FSTL5: variants seen among roughly 807,000 people sequenced by gnomAD.
FSTL5 encodes follistatin-related protein 5.
Under a neutral mutation model 89.1 loss-of-function variants are expected in FSTL5, and 62 were observed. That is an observed-to-expected ratio of 0.70 (90% CI 0.57 to 0.86). The LOEUF (loss-of-function observed/expected upper bound fraction) is 0.86, where lower values mean the gene tolerates loss of function less well. Ranked by LOEUF, FSTL5 falls within the 40% of genes least tolerant of loss-of-function variation. FSTL5 has a pLI of 0.00. For synonymous variants in FSTL5, 383 were observed against 346.2 expected, an observed-to-expected ratio of 1.11 and a Z score of -1.18; for missense variants, 1,057 against 1,001.6, an observed-to-expected ratio of 1.06 and a Z score of -0.75.
chr4:162,003,377 C>A (rs775497624), intron 3 of FSTL5, among the ~76,000 whole-genome samples: 2 of 152,086 alleles, frequency 1.3e-5, no homozygotes, highest in Non-Finnish European at 2.9e-5. Context: ...GCAACAAAAG[C>A]CTTTCATAAT....
intron 10 of FSTL5, among the ~76,000 whole-genome samples, chr4:161,516,038 T>C (rs557052183): frequency 6.6e-6 from 1 of 150,838 alleles, no homozygotes; most frequent in African/African-American, 2.4e-5. Flanking sequence ...GTGCATGACC[T>C]TGTGAACAAG....
At chr4:161,950,553 C>T (rs1423092550) in intron 3 of FSTL5, among the ~76,000 whole-genome samples, 2 of 152,162 alleles carry the variant, frequency 1.3e-5, no homozygotes, top group South Asian at 2.1e-4. Context: ...TGCTGTGGCA[C>T]AGCCTGTAGC....
intron 11 of FSTL5, among the ~76,000 whole-genome samples, chr4:161,508,555 A>T (rs1351275217): frequency 6.6e-6 from 1 of 152,166 alleles, no homozygotes; most frequent in Non-Finnish European, 1.5e-5. Context: ...TCCAAAAACT[A>T]ACAGAATACA....
rs532284174 is a variant in FSTL5, at chr4:161,955,408, A to C, written c.161-34756T>G. Among the ~76,000 whole-genome samples, 273 of 151,896 alleles carry C rather than the reference A, an allele frequency of 1.8e-3. 1 individual carries two copies. Among genetic ancestry groups the C allele is most frequent in the African/African-American group, 6.2e-3 (258 of 41,542 alleles). ...CAAAGTGTATAATGTGAACAAAAAAAAATGTTTTAAGTAAATCTTGTGCTA... is the reference window on the plus strand; with the variant it reads ...CAAAGTGTATAATGTGAACAAAAAACAATGTTTTAAGTAAATCTTGTGCTA... On this transcript the variant is annotated intron_variant, in intron 3 of 15. Transcript: ENST00000306100.
At chr4:161,520,868 A>G (rs933092233) in intron 10 of FSTL5, among the ~76,000 whole-genome samples, 1 of 152,204 alleles carries the variant, frequency 6.6e-6, no homozygotes, top group African/African-American at 2.4e-5. Context: ...AAGAAGATGG[A>G]TTAATTGTAG....
chr4:161,506,417 AT>A (rs1451847022), intron 11 of FSTL5, among the ~76,000 whole-genome samples: 1 of 151,914 alleles, frequency 6.6e-6, no homozygotes, highest in Admixed American at 6.6e-5. Flanking sequence ...TGAAGTAGTA[AT>A]TTTTTTAATT....
intron 2 of FSTL5, among the ~76,000 whole-genome samples, chr4:162,075,024 A>G (rs1456904543): frequency 2.0e-5 from 3 of 151,732 alleles, no homozygotes; most frequent in Non-Finnish European, 4.4e-5. Context: ...ACTTATAACC[A>G]CAACCCCAAG....
chr4:161,864,166 A>G (rs1354075591), intron 4 of FSTL5, among the ~76,000 whole-genome samples: 1 of 152,172 alleles, frequency 6.6e-6, no homozygotes, highest in Non-Finnish European at 1.5e-5. Flanking sequence ...CAGGACTTAT[A>G]CTAGCATCCT....
chr4:162,069,988 A>G (rs1220785758), intron 2 of FSTL5, among the ~76,000 whole-genome samples: 3 of 151,890 alleles, frequency 2.0e-5, no homozygotes, highest in African/African-American at 7.2e-5. Context: ...TGGCTGCACT[A>G]GCTTACATTT....
intron 11 of FSTL5, among the ~76,000 whole-genome samples, chr4:161,504,170 T>C (rs1235677339): frequency 6.6e-6 from 1 of 151,940 alleles, no homozygotes; most frequent in Admixed American, 6.6e-5. Flanking sequence ...ATGGGTTTAT[T>C]AGGGCTATTT....
chr4:162,112,374 G>A (rs1426448317), intron 1 of FSTL5, among the ~76,000 whole-genome samples: 2 of 152,090 alleles, frequency 1.3e-5, no homozygotes, highest in Admixed American at 6.6e-5. Context: ...TCCCCAGTAG[G>A]TAGAATGGCA....
At chr4:161,876,099 G>A (rs915700539) in intron 4 of FSTL5, among the ~76,000 whole-genome samples, 16 of 152,050 alleles carry the variant, frequency 1.1e-4, no homozygotes, top group Admixed American at 9.2e-4. Flanking sequence ...ATTAAATGTT[G>A]ATAAAAATAC....
intron 7 of FSTL5, among the ~76,000 whole-genome samples, chr4:161,648,572 T>A (rs1320032458): frequency 1.3e-5 from 2 of 152,220 alleles, no homozygotes; most frequent in Admixed American, 1.3e-4. Context: ...CTAATTCTCA[T>A]CGTTCTAAAA....
At chr4:161,453,878 G>A (rs60390912) in intron 15 of FSTL5, among the ~76,000 whole-genome samples, 2,902 of 152,242 alleles carry the variant, frequency 0.019, 95 homozygotes, top group African/African-American at 0.066. Flanking sequence ...ACATGGGAGA[G>A]CTACCATGCC....
chr4:162,032,661 T>A (rs577587680), intron 3 of FSTL5: 4 of 152,300 alleles, frequency 2.6e-5, no homozygotes, highest in Admixed American at 1.3e-4. Flanking sequence ...CAGAGAGGAT[T>A]CTATTTGGAC....
At chr4:162,075,058 G>A (rs1412097524) in intron 2 of FSTL5, among the ~76,000 whole-genome samples, 2 of 151,712 alleles carry the variant, frequency 1.3e-5, no homozygotes, top group African/African-American at 4.8e-5. Flanking sequence ...TTTTAAATAT[G>A]CAGTATCTGT....
intron 6 of FSTL5, among the ~76,000 whole-genome samples, chr4:161,678,949 CAA>C (rs994853012): frequency 3.3e-5 from 5 of 151,578 alleles, no homozygotes; most frequent in African/African-American, 9.7e-5. Flanking sequence ...TAAAAACAAA[CAA>C]TGGTAAGTAT....
At chr4:161,931,641 T>C (rs1734287137) in intron 3 of FSTL5, among the ~76,000 whole-genome samples, 1 of 151,946 alleles carries the variant, frequency 6.6e-6, no homozygotes, top group African/African-American at 2.4e-5. Context: ...TTTCACATTT[T>C]CAAATGAATA....
rs146895698 is a variant in FSTL5, at chr4:161,650,723, G to T, written c.894+5605C>A. On this transcript the variant is annotated intron_variant, in intron 7 of 15. Transcript: ENST00000306100. ...TATTTTATAAATCCATTGTAGGCAT[G>T]TAGCTAAGAAGTGGCAAAACTAAAA... Among the ~76,000 whole-genome samples, 913 of 152,222 alleles carry T rather than the reference G, an allele frequency of 6.0e-3. 9 individuals carry two copies. The highest frequency in any genetic ancestry group is 0.045 in the South Asian group (217 of 4,824).
Sources: gnomAD v4.1 joint callset for allele counts (sites outside exome capture counted in the v4.1 genomes callset) on GRCh38, gnomAD v4.1.1 for gene constraint, MANE v1.5 for transcripts, NCBI Gene and HGNC (gene_info 2026-07-23, HGNC 2026-07-21) for gene names.